The following SPATS1 variants were observed in gnomAD, a reference collection of about 807,000 sequenced individuals.
SPATS1 encodes spermatogenesis associated serine rich 1, also known as spermatogenesis-associated serine-rich protein 1.
SPATS1 carries 23 observed loss-of-function variants against 33.6 expected under a neutral mutation model. That is an observed-to-expected ratio of 0.68 (90% confidence interval 0.49 to 0.97). The LOEUF is 0.97. Ranked by LOEUF, SPATS1 falls within the 50% of genes least tolerant of loss-of-function variation. The probability of loss-of-function intolerance (pLI) is 0.00; values close to 1 mark genes in which losing one functional copy is unlikely to be tolerated. For missense variants in SPATS1, 327 were observed against 361.0 expected, an observed-to-expected ratio of 0.91 and a Z score of 0.76; for synonymous variants, 131 against 125.6, an observed-to-expected ratio of 1.04 and a Z score of -0.29.
At chr6:44,352,444 C>A (rs1432051646) in intron 2 of SPATS1, among the ~76,000 whole-genome samples, 1 of 152,110 alleles carries the variant, frequency 6.6e-6, no homozygotes, top group South Asian at 2.1e-4. Context: ...CCACGCCGGG[C>A]CTAGATGTTT....
chr6:44,374,146 T>A (rs1220700873), intron 7 of SPATS1, among the ~76,000 whole-genome samples: 30 of 152,352 alleles, frequency 2.0e-4, no homozygotes, highest in African/African-American at 7.2e-4. Flanking sequence ...ATTAGGTCAC[T>A]TAATATTTAT....
At chr6:44,376,555 A>G (rs1364820440) in intron 8 of SPATS1, 82 bp downstream of exon 8, 1 of 979,642 alleles carries the variant, frequency 1.0e-6, no homozygotes, top group Non-Finnish European at 1.5e-6. Flanking sequence ...TAATCCCAGC[A>G]CTTTGGGAGG....
At chr6:44,369,974 T>G in intron 6 of SPATS1, 77 bp from the exon 7 acceptor site, 3 of 962,576 alleles carry the variant, frequency 3.1e-6, no homozygotes, top group Non-Finnish European at 4.6e-6. Flanking sequence ...CAGGACATTC[T>G]ATTGAATACA....
At chr6:44,357,302 C>A (rs189094593) in intron 3 of SPATS1, among the ~76,000 whole-genome samples, 27 of 152,304 alleles carry the variant, frequency 1.8e-4, no homozygotes, top group African/African-American at 5.8e-4. Flanking sequence ...CTTCCACTGA[C>A]TTTCCAGTGG....
intron 7 of SPATS1, among the ~76,000 whole-genome samples, chr6:44,373,834 T>A (rs1789773374): frequency 6.6e-6 from 1 of 152,204 alleles, no homozygotes; most frequent in Non-Finnish European, 1.5e-5. Flanking sequence ...ATCCTTTGAG[T>A]ACCGTTTATG....
intron 3 of SPATS1, among the ~76,000 whole-genome samples, chr6:44,356,789 G>C (rs777389459): frequency 2.0e-5 from 3 of 152,224 alleles, no homozygotes; most frequent in Admixed American, 6.5e-5. Context: ...CCTAATGTGG[G>C]AAGTGACATC....
At chr6:44,351,242 A>G (rs1367830896) in intron 2 of SPATS1, among the ~76,000 whole-genome samples, 8 of 152,352 alleles carry the variant, frequency 5.3e-5, no homozygotes, top group Middle Eastern at 6.8e-3. Context: ...AGGTATTACA[A>G]GTAATCTAGA....
In SPATS1 at chr6:44,379,563, G is replaced by C. The variant is rs1162693092; in HGVS notation, c.*2500G>C. Among the ~76,000 whole-genome samples the C allele has an allele frequency of 2.6e-5, 3 of 116,866 alleles. No homozygotes were observed. Among genetic ancestry groups the C allele is most frequent in the African/African-American group, 3.3e-5 (1 of 29,854 alleles). The allele number at this position is 116,866 out of a possible 152,430, so 76.7% of individuals were successfully genotyped here. A position where few individuals can be genotyped will look rare whatever the true frequency, so the allele number is the denominator to read the frequency against. On this transcript the variant is annotated 3_prime_UTR_variant, in exon 9 of 9. Transcript: ENST00000674044. The stretch of plus-strand genomic sequence containing the variant: ...TGCAGTGACCCAAGATTGTGCCACT[G>C]CACTCCAGCCTGGGCAACAGAGTGA...
At chr6:44,363,178 G>A (rs1271004782) in intron 5 of SPATS1, among the ~76,000 whole-genome samples, 2 of 151,824 alleles carry the variant, frequency 1.3e-5, no homozygotes, top group African/African-American at 4.8e-5. Flanking sequence ...TGTGGCCCAG[G>A]CTGGAGTGCA....
chr6:44,348,824 C>G (rs1334875934), intron 2 of SPATS1, among the ~76,000 whole-genome samples: 2 of 152,120 alleles, frequency 1.3e-5, no homozygotes, highest in African/African-American at 4.8e-5. Context: ...TATGTTGAAA[C>G]CTCATCTCTA....
intron 7 of SPATS1, among the ~76,000 whole-genome samples, chr6:44,371,993 C>T (rs545062575): frequency 2.7e-5 from 4 of 148,858 alleles, no homozygotes; most frequent in Admixed American, 2.0e-4. Flanking sequence ...CATGATGGCT[C>T]ACTCCTGTAA....
chr6:44,349,924 T>C (rs1788134537), intron 2 of SPATS1, among the ~76,000 whole-genome samples: 1 of 152,236 alleles, frequency 6.6e-6, no homozygotes, highest in African/African-American at 2.4e-5. Flanking sequence ...CTATGTATTG[T>C]TGATACTTGT....
chr6:44,353,616 T>C (rs921205810), intron 3 of SPATS1, among the ~76,000 whole-genome samples: 2 of 152,260 alleles, frequency 1.3e-5, no homozygotes, highest in African/African-American at 4.8e-5. Flanking sequence ...TTGTGTTTTA[T>C]GTACTTTCCC....
chr6:44,367,521 A>G (rs1173929871), intron 5 of SPATS1, among the ~76,000 whole-genome samples: 3 of 152,208 alleles, frequency 2.0e-5, no homozygotes, highest in Admixed American at 2.0e-4. Context: ...CTGGTAACCC[A>G]AGAACTTCCA....
chr6:44,373,797 A>C (rs914351848), intron 7 of SPATS1, among the ~76,000 whole-genome samples: 9 of 152,244 alleles, frequency 5.9e-5, no homozygotes, highest in Non-Finnish European at 1.2e-4. Flanking sequence ...GTACGTTTAC[A>C]GGGATTATTT....
chr6:44,352,916 T>C lies in SPATS1; in HGVS notation c.287+43T>C, dbSNP rs1415719730. 8 of 1,598,588 alleles carry C rather than the reference T, an allele frequency of 5.0e-6. No homozygotes were observed. In the Admixed American group the frequency reaches 1.2e-4, roughly 24 times the overall value. On this transcript the variant is annotated intron_variant, in intron 3 of 8. Transcript: ENST00000674044. ...GCAGAGCTGTCACGGTTGGGGAGAT[T>C]CTGACCAAGAAGCCAATAGTCTGAG...
At chr6:44,362,159 G>A (rs1385922908) in intron 5 of SPATS1, among the ~76,000 whole-genome samples, 167 bp downstream of exon 5, 2 of 152,166 alleles carry the variant, frequency 1.3e-5, no homozygotes, top group South Asian at 2.1e-4. Context: ...CAGGCTGCAC[G>A]TTTTGGCAAA....
chr6:44,368,321 C>G (rs1013959122), intron 5 of SPATS1, 58 bp from the exon 6 acceptor site: 1 of 1,571,898 alleles, frequency 6.4e-7, no homozygotes, highest in African/African-American at 1.4e-5. Flanking sequence ...ATACTTACAG[C>G]AAATCTGTGG....
At chr6:44,353,638 C>T (rs1458236751) in intron 3 of SPATS1, among the ~76,000 whole-genome samples, 3 of 152,112 alleles carry the variant, frequency 2.0e-5, no homozygotes, top group East Asian at 3.8e-4. Context: ...GTTTATATTT[C>T]TTTTACAATA....
Sources: allele counts gnomAD v4.1 joint callset (sites outside exome capture counted in the v4.1 genomes callset), GRCh38; gene constraint gnomAD v4.1.1; transcripts MANE v1.5; gene names NCBI Gene and HGNC (gene_info 2026-07-23, HGNC 2026-07-21).